UHRF2: variants seen among roughly 807,000 people sequenced by gnomAD.
UHRF2 encodes the protein E3 ubiquitin-protein ligase UHRF2.
Under a neutral mutation model 96.8 loss-of-function variants are expected in UHRF2, and 23 were observed. The observed-to-expected ratio is 0.24, with a 90% CI of 0.17 to 0.34. The LOEUF (loss-of-function observed/expected upper bound fraction) is 0.34. UHRF2 is among the 10% of genes least tolerant of loss of function. The probability of loss-of-function intolerance (pLI) is 1.00; values close to 1 mark genes in which losing one functional copy is unlikely to be tolerated. For synonymous variants in UHRF2, 385 were observed against 332.6 expected (o/e 1.16, Z -1.72); for missense variants, 685 against 981.5 (o/e 0.70, Z 4.04).
intron 1 of UHRF2, 200 bp downstream of exon 1, chr9:6,413,843 C>G (rs903381799): frequency 5.3e-6 from 3 of 564,608 alleles, no homozygotes; most frequent in Admixed American, 4.5e-5. Flanking sequence ...CCAGCCCCAA[C>G]TGGAGGTGCG....
intron 15 of UHRF2, among the ~76,000 whole-genome samples, 175 bp downstream of exon 15, chr9:6,504,866 G>C (rs1199315101): frequency 1.3e-5 from 2 of 152,102 alleles, no homozygotes; most frequent in Non-Finnish European, 2.9e-5. Flanking sequence ...ATTAGATAGT[G>C]ATAATAATTC....
intron 6 of UHRF2, among the ~76,000 whole-genome samples, chr9:6,479,690 A>C (rs1361237142): frequency 6.6e-6 from 1 of 152,132 alleles, no homozygotes; most frequent in Non-Finnish European, 1.5e-5. Flanking sequence ...GATTTCCACA[A>C]ACTCCCTAAA....
intron 1 of UHRF2, chr9:6,415,353 A>G (rs970276234): frequency 2.6e-5 from 4 of 152,226 alleles, no homozygotes; most frequent in Admixed American, 1.3e-4. Flanking sequence ...GTGATAAACC[A>G]GTAGGGTAGA....
chr9:6,421,233 C>T (rs1587760753), intron 2 of UHRF2, 91 bp downstream of exon 2: 1 of 973,192 alleles, frequency 1.0e-6, no homozygotes, highest in Non-Finnish European at 1.5e-6. Flanking sequence ...CATTGATTGC[C>T]ATTTGAAAGT....
In UHRF2 at chr9:6,473,904, G is replaced by C. The variant is rs534329704; in HGVS notation, c.864-1487G>C. ...ACTGTTTAACCCATACTTTGGGAATGCAAATATCAAAAATCAACACTGTGA... is the reference window on the plus strand; with the variant it reads ...ACTGTTTAACCCATACTTTGGGAATCCAAATATCAAAAATCAACACTGTGA... On this transcript the variant is annotated intron_variant, in intron 4 of 15. Transcript: ENST00000276893. 2.8e-4 allele frequency among the ~76,000 whole-genome samples: 43 copies of C among 152,182 alleles called. 1 individual carries two copies. Among genetic ancestry groups the C allele is most frequent in the Non-Finnish European group, 8.8e-5 (6 of 68,022 alleles).
In UHRF2 at chr9:6,500,590, G is replaced by C. The variant is rs1462982849; in HGVS notation, c.2044G>C (p.Asp682His). The change falls in exon 14 of 16, where the codon GAT becomes CAT. Residue 682 changes from aspartate (D) to histidine (H), a missense_variant. Physicochemically the swap from Asp to His is moderately conservative, Grantham distance 81. Around this residue, in one of 6 missense-constraint regions of UHRF2, gnomAD observed 99 missense variants for 73.5 expected, o/e 1.35. Transcript: ENST00000276893. ...TGCCTCCAAAGTGTACAAAGCATCA[G>C]ATTCAGCAGAAGCAATTGAGGCTTT... ...PSASKVYKAS[D>H]SAEAIEAFQL... is the part of the protein sequence containing the mutation. 3 of 1,613,358 alleles carry C rather than the reference G, an allele frequency of 1.9e-6. No homozygotes were observed. Among genetic ancestry groups the C allele is most frequent in the Non-Finnish European group, 2.5e-6 (3 of 1,179,934 alleles).
intron 2 of UHRF2, among the ~76,000 whole-genome samples, chr9:6,427,039 T>C (rs1178218197): frequency 6.6e-6 from 1 of 152,162 alleles, no homozygotes; most frequent in Non-Finnish European, 1.5e-5. Context: ...TGAGCCACTG[T>C]GCCTGGCTTG....
Position 6,505,295 on chromosome 9 carries a change from G to GTA in UHRF2, c.2262+618_2262+619dup, listed in dbSNP as rs375388121. Among the ~76,000 whole-genome samples the GTA allele has an allele frequency of 2.3e-3, 351 of 150,818 alleles. 5 individuals are homozygous for GTA. Among genetic ancestry groups the GTA allele is most frequent in the East Asian group, 0.018 (93 of 5,150 alleles). ...TATATATATATGCGTGTGTGTGTGT[G>GTA]TATATATATATATATTTTTTGACGG... On this transcript the variant is annotated intron_variant, in intron 15 of 15. Transcript: ENST00000276893.
At chr9:6,416,360 G>C (rs1168194450) in intron 1 of UHRF2, among the ~76,000 whole-genome samples, 6 of 152,022 alleles carry the variant, frequency 3.9e-5, no homozygotes, top group African/African-American at 1.4e-4. Context: ...AAGCTACCGT[G>C]CCCAGCCTTG....
intron 11 of UHRF2, among the ~76,000 whole-genome samples, chr9:6,497,594 G>A (rs1825045759): frequency 6.6e-6 from 1 of 150,702 alleles, no homozygotes; most frequent in South Asian, 2.1e-4. Flanking sequence ...TTTTTAAAAT[G>A]TAAGTGTATG....
At chr9:6,434,430 T>A in intron 3 of UHRF2, 1 of 277,610 alleles carries the variant, frequency 3.6e-6, no homozygotes, top group Non-Finnish European at 6.4e-6. Context: ...TCTGTTTGTC[T>A]TTTTCTCTAT....
chr9:6,441,561 G>A (rs974991573), intron 3 of UHRF2, among the ~76,000 whole-genome samples: 8 of 152,088 alleles, frequency 5.3e-5, no homozygotes, highest in Non-Finnish European at 1.2e-4. Flanking sequence ...AATTCCTTTT[G>A]ACCCAGCCTT....
rs1253320180 is a variant in UHRF2 at position 6,425,055 on chromosome 9, T to A, written c.384+3913T>A. On this transcript the variant is annotated intron_variant, in intron 2 of 15. Coordinates refer to ENST00000276893, the MANE Select transcript of UHRF2 (RefSeq NM_152896.3). ...TAGTGTTTGTCAAGTTTCTCCACTATTAAACTACTCCCACACCTCCTTCCT... is the reference window on the plus strand; with the variant it reads ...TAGTGTTTGTCAAGTTTCTCCACTAATAAACTACTCCCACACCTCCTTCCT... Among the ~76,000 whole-genome samples the A allele has an allele frequency of 2.0e-5, 3 of 152,218 alleles. No individual in the cohort carries two copies. In the East Asian group the frequency reaches 5.8e-4, roughly 29 times the overall value.
chr9:6,495,016 C>G (rs1386935627), intron 10 of UHRF2: 1 of 152,148 alleles, frequency 6.6e-6, no homozygotes, highest in Non-Finnish European at 1.5e-5. Flanking sequence ...AGCAGTCCTT[C>G]AAGAAGAGTG....
intron 2 of UHRF2, among the ~76,000 whole-genome samples, chr9:6,430,661 A>C (rs1820514690): frequency 6.6e-6 from 1 of 152,216 alleles, no homozygotes; most frequent in African/African-American, 2.4e-5. Context: ...ACCCACAGCC[A>C]GGTACCAAAC....
Position 6,413,328 on chromosome 9 carries a change from C to A in UHRF2, c.-163C>A. 5.2e-6 allele frequency: 3 copies of A among 578,870 alleles called. No individual in the cohort carries two copies. Among genetic ancestry groups the A allele is most frequent in the Non-Finnish European group, 7.0e-6 (3 of 427,464 alleles). 35.9% of individuals were successfully genotyped at this position (578,870 alleles called of 1,614,324 possible). On this transcript the variant is annotated 5_prime_UTR_variant, in exon 1 of 16. Coordinates refer to ENST00000276893, the MANE Select transcript of UHRF2 (RefSeq NM_152896.3). ...CTAGTCGGGCGCGCGCGCTGAGAGT[C>A]GTCGCCGCCTGTCGGGCCCGGCGTC...
At chr9:6,475,568 C>T (rs1307120302) in intron 5 of UHRF2, 68 bp downstream of exon 5, 4 of 796,212 alleles carry the variant, frequency 5.0e-6, no homozygotes, top group African/African-American at 1.8e-5. Context: ...TTTTACTGGT[C>T]AGTGAATAAC....
intron 5 of UHRF2, among the ~76,000 whole-genome samples, chr9:6,476,555 A>T (rs2130895149): frequency 6.6e-6 from 1 of 152,196 alleles, no homozygotes; most frequent in South Asian, 2.1e-4. Flanking sequence ...ACAGGATTAG[A>T]TTCTAGGTCT....
intron 3 of UHRF2, among the ~76,000 whole-genome samples, chr9:6,445,970 C>CCG (rs942752968): frequency 2.9e-5 from 4 of 137,658 alleles, no homozygotes; most frequent in Non-Finnish European, 6.1e-5. Context: ...TACTCTTCCC[C>CCG]CCCCGCCACC....
Sources: allele counts gnomAD v4.1 joint callset (sites outside exome capture counted in the v4.1 genomes callset), GRCh38; gene constraint gnomAD v4.1.1; regional missense constraint gnomAD v4.1.1; transcripts MANE v1.5; gene names NCBI Gene and HGNC (gene_info 2026-07-23, HGNC 2026-07-21).